TMEM132D: variants seen among roughly 807,000 people sequenced by gnomAD.
TMEM132D encodes mature OL transmembrane protein.
A neutral mutation model predicts 62.3 loss-of-function variants in TMEM132D; 21 were observed. The ratio of observed to expected loss-of-function variants is 0.34; its 90% CI spans 0.24 to 0.49. The LOEUF (loss-of-function observed/expected upper bound fraction) is 0.49. Among genes scored for constraint, TMEM132D ranks in the 20% least tolerant of loss-of-function variants. The pLI is 0.99. For synonymous variants in TMEM132D, 621 were observed against 575.6 expected, an observed-to-expected ratio of 1.08 and a Z score of -1.13; for missense variants, 1,346 against 1,402.8, an observed-to-expected ratio of 0.96 and a Z score of 0.65.
chr12:129,233,852 G>A (rs1184423192), intron 4 of TMEM132D, among the ~76,000 whole-genome samples: 1 of 147,660 alleles, frequency 6.8e-6, no homozygotes, highest in Non-Finnish European at 1.5e-5. Context: ...CTGTTTTCAA[G>A]GGTCAATGGA....
chr12:129,327,994 G>C (rs557273341), intron 4 of TMEM132D, among the ~76,000 whole-genome samples: 2 of 151,950 alleles, frequency 1.3e-5, no homozygotes, highest in Admixed American at 6.5e-5. Context: ...TTTTCCACTC[G>C]AAAGCACTCA....
chr12:129,262,192 T>G (rs2135595903), intron 4 of TMEM132D, among the ~76,000 whole-genome samples: 1 of 152,316 alleles, frequency 6.6e-6, no homozygotes, highest in Non-Finnish European at 1.5e-5. Flanking sequence ...GTTAATTTCT[T>G]ATGGTAATAC....
intron 2 of TMEM132D, among the ~76,000 whole-genome samples, chr12:129,685,378 C>T (rs755910072): frequency 2.0e-5 from 3 of 152,226 alleles, no homozygotes; most frequent in Non-Finnish European, 4.4e-5. Flanking sequence ...GGCCAAGGCA[C>T]AGCTCAGGCC....
chr12:129,630,649 C>A (rs1293351565), intron 2 of TMEM132D, among the ~76,000 whole-genome samples: 1 of 152,098 alleles, frequency 6.6e-6, no homozygotes, highest in African/African-American at 2.4e-5. Flanking sequence ...GATATTTATT[C>A]AATACTTATG....
Position 129,903,214 on chromosome 12 carries a change from T to C in TMEM132D, c.79+47A>G, listed in dbSNP as rs1167857837. The stretch of plus-strand genomic sequence containing the variant: ...CCTCCACACACTCCCACACACTCAC[T>C]CCAGGCGAAGTTAGTCCCCGGGCCC... On this transcript the variant is annotated intron_variant, in intron 1 of 8. Transcript: ENST00000422113. The surrounding 1 kb of genome is among the most constrained non-coding windows in gnomAD (Gnocchi z 6.2). 1 of 1,546,274 alleles carries C rather than the reference T, an allele frequency of 6.5e-7. No homozygotes were observed. Among genetic ancestry groups the C allele is most frequent in the Non-Finnish European group, 8.8e-7 (1 of 1,142,570 alleles).
At chr12:129,284,305 C>A (rs549347285) in intron 4 of TMEM132D, among the ~76,000 whole-genome samples, 1 of 152,352 alleles carries the variant, frequency 6.6e-6, no homozygotes, top group South Asian at 2.1e-4. Context: ...CCTGAAGACC[C>A]ATCTACATCA....
intron 5 of TMEM132D, among the ~76,000 whole-genome samples, chr12:129,137,858 G>A (rs1445484030): frequency 2.0e-5 from 3 of 151,682 alleles, no homozygotes; most frequent in Non-Finnish European, 4.4e-5. Context: ...AGCCACAATA[G>A]CCCTGGACTC....
intron 3 of TMEM132D, among the ~76,000 whole-genome samples, chr12:129,409,320 G>C (rs1356436952): frequency 1.3e-5 from 2 of 152,110 alleles, no homozygotes; most frequent in Non-Finnish European, 2.9e-5. Context: ...CAAAAGAAAG[G>C]CATAAAGCTA....
At chr12:129,610,710 C>A (rs1215160936) in intron 2 of TMEM132D, among the ~76,000 whole-genome samples, 1 of 151,354 alleles carries the variant, frequency 6.6e-6, no homozygotes, top group Non-Finnish European at 1.5e-5. Context: ...CCTTGAATTA[C>A]AAGCAAGTAA....
At chr12:129,551,817 T>C (rs997707743) in intron 2 of TMEM132D, among the ~76,000 whole-genome samples, 2 of 152,230 alleles carry the variant, frequency 1.3e-5, no homozygotes, top group African/African-American at 4.8e-5. Flanking sequence ...AAAGTGCTAA[T>C]GCCTGAGTAA....
intron 3 of TMEM132D, among the ~76,000 whole-genome samples, chr12:129,349,097 C>T (rs777001998): frequency 2.0e-5 from 3 of 152,200 alleles, no homozygotes; most frequent in Non-Finnish European, 4.4e-5. Context: ...ATGCCCCACT[C>T]CCTGTTGGGA....
At chr12:129,441,558 A>C (rs1318626728) in intron 3 of TMEM132D, among the ~76,000 whole-genome samples, 3 of 152,314 alleles carry the variant, frequency 2.0e-5, no homozygotes, top group South Asian at 2.1e-4. Context: ...CAAAACACAG[A>C]GAAGGAGAAA....
chr12:129,092,276 AT>A (rs1874947814), intron 5 of TMEM132D, among the ~76,000 whole-genome samples: 1 of 145,374 alleles, frequency 6.9e-6, no homozygotes, highest in Non-Finnish European at 1.5e-5. Context: ...TCTTGGTTAA[AT>A]TTATGTTCTA....
intron 1 of TMEM132D, among the ~76,000 whole-genome samples, chr12:129,785,681 GC>G (rs1871231817): frequency 6.6e-6 from 1 of 152,158 alleles, no homozygotes; most frequent in African/African-American, 2.4e-5. Flanking sequence ...CCCTTCTGGT[GC>G]CTAGATCTCC....
At chr12:129,370,024 C>T (rs897261969) in intron 3 of TMEM132D, among the ~76,000 whole-genome samples, 6 of 152,168 alleles carry the variant, frequency 3.9e-5, no homozygotes, top group African/African-American at 1.4e-4. Context: ...ATTCATGGGG[C>T]TCCCCTACCC....
At chr12:129,222,823 G>A (rs1234224378) in intron 4 of TMEM132D, among the ~76,000 whole-genome samples, 1 of 152,058 alleles carries the variant, frequency 6.6e-6, no homozygotes, top group East Asian at 1.9e-4. Flanking sequence ...AAGTTTTGTA[G>A]ACTTGATGTA....
chr12:129,727,280 C>T (rs1357281658), intron 1 of TMEM132D, among the ~76,000 whole-genome samples: 1 of 152,146 alleles, frequency 6.6e-6, no homozygotes, highest in Non-Finnish European at 1.5e-5. Context: ...GCACTGGCAT[C>T]CTGCCAGGAT....
At chr12:129,760,433 G>A (rs568309531) in intron 1 of TMEM132D, among the ~76,000 whole-genome samples, 4 of 142,222 alleles carry the variant, frequency 2.8e-5, no homozygotes, top group African/African-American at 1.0e-4. Flanking sequence ...CCGGGTTCAC[G>A]CCACTCTCCT....
intron 3 of TMEM132D, among the ~76,000 whole-genome samples, chr12:129,350,982 C>T (rs116497344): frequency 6.6e-5 from 10 of 152,172 alleles, no homozygotes; most frequent in Non-Finnish European, 1.3e-4. Flanking sequence ...TTTTGAAAGC[C>T]TCAATAATAG....
Sources: allele counts gnomAD v4.1 joint callset (sites outside exome capture counted in the v4.1 genomes callset), GRCh38; gene constraint gnomAD v4.1.1; non-coding constraint Gnocchi (gnomAD v3.1); transcripts MANE v1.5; gene names NCBI Gene and HGNC (gene_info 2026-07-23, HGNC 2026-07-21).